Variants in DENND2A observed in about 807,000 individuals in gnomAD.
DENND2A encodes the protein DENN domain containing 2A.
In DENND2A, 53 loss-of-function variants were observed where a neutral mutation model predicts 105.3. The observed-to-expected ratio is 0.50, with a 90% CI of 0.40 to 0.63. The LOEUF is 0.63. Among genes scored for constraint, DENND2A ranks in the 30% least tolerant of loss-of-function variants. The pLI, the probability that DENND2A is intolerant of heterozygous loss-of-function variation, is 0.00. For synonymous variants in DENND2A, 522 were observed against 508.4 expected (o/e 1.03, Z -0.36); for missense variants, 1,138 against 1,279.6 (o/e 0.89, Z 1.69).
At chr7:140,636,080 G>A (rs944104269) in intron 1 of DENND2A, among the ~76,000 whole-genome samples, 3 of 152,144 alleles carry the variant, frequency 2.0e-5, no homozygotes, top group Non-Finnish European at 4.4e-5. Context: ...AGAGAGTCTG[G>A]GGTACAAGTG....
chr7:140,594,470 C>T (rs748911081), intron 3 of DENND2A, among the ~76,000 whole-genome samples: 11 of 152,130 alleles, frequency 7.2e-5, no homozygotes, highest in Non-Finnish European at 1.3e-4. Flanking sequence ...CTGGCCCGAG[C>T]GTCACTTCCT....
intron 7 of DENND2A, 86 bp from the exon 8 acceptor site, chr7:140,568,899 T>C: frequency 2.9e-6 from 4 of 1,379,966 alleles, no homozygotes; most frequent in Non-Finnish European, 4.1e-6. Flanking sequence ...ACAGATCAAA[T>C]GTTCTAATTC....
At chr7:140,555,057 A>G (rs1239618402) in intron 12 of DENND2A, among the ~76,000 whole-genome samples, 1 of 150,234 alleles carries the variant, frequency 6.7e-6, no homozygotes, top group Non-Finnish European at 1.5e-5. Flanking sequence ...AGGGTCTTCC[A>G]CCCCTCCCTT....
At chr7:140,584,521 G>A (rs1798694464) in intron 5 of DENND2A, among the ~76,000 whole-genome samples, 1 of 152,206 alleles carries the variant, frequency 6.6e-6, no homozygotes. Context: ...TGGGTGCCAA[G>A]ATATCTGTTA....
At position 140,559,856 on chromosome 7, in the gene DENND2A, C is replaced by T. The variant is rs976611704; in HGVS notation, c.1780-39G>A. The T allele has an allele frequency of 2.0e-6, 3 of 1,482,602 alleles. No individual in the cohort carries two copies. Among genetic ancestry groups the T allele is most frequent in the African/African-American group, 1.4e-5 (1 of 72,330 alleles). 91.8% of individuals were successfully genotyped at this position (1,482,602 alleles called of 1,614,324 possible). On this transcript the variant is annotated intron_variant, in intron 9 of 19. Coordinates refer to ENST00000496613, the MANE Select transcript of DENND2A (RefSeq NM_015689.5). The surrounding 1 kb of genome is among the most constrained non-coding windows in gnomAD (Gnocchi z 4.1). Reference sequence around the variant, plus strand: ...GGTGAGAGAAAATTCGAGAACAAATCTCAGCATGGGAAATTGAGGCGGATG... The same window carrying T: ...GGTGAGAGAAAATTCGAGAACAAATTTCAGCATGGGAAATTGAGGCGGATG...
chr7:140,586,967 G>A (rs1386562085), intron 4 of DENND2A, among the ~76,000 whole-genome samples: 1 of 152,094 alleles, frequency 6.6e-6, no homozygotes, highest in Non-Finnish European at 1.5e-5. Flanking sequence ...GTTGGAGCTC[G>A]CCCTTCACTA....
intron 9 of DENND2A, 35 bp downstream of exon 9, chr7:140,567,051 C>T (rs1258225905): frequency 6.5e-7 from 1 of 1,527,244 alleles, no homozygotes; most frequent in African/African-American, 1.4e-5. Flanking sequence ...TGGTTAGAAC[C>T]CTGGCAGGCC....
At chr7:140,616,769 G>A (rs1292350599) in intron 1 of DENND2A, among the ~76,000 whole-genome samples, 1 of 152,158 alleles carries the variant, frequency 6.6e-6, no homozygotes, top group Non-Finnish European at 1.5e-5. Flanking sequence ...AGAGTTGCTG[G>A]CCTAGAGTTG....
At chr7:140,569,607 G>A (rs369364119) in intron 7 of DENND2A, 38 bp downstream of exon 7, 81 of 1,408,014 alleles carry the variant, frequency 5.8e-5, no homozygotes, top group East Asian at 5.7e-4. Context: ...TCTCTTTTCC[G>A]ATTCTTGCGG....
intron 1 of DENND2A, among the ~76,000 whole-genome samples, chr7:140,637,082 T>G (rs1730367480): frequency 6.6e-6 from 1 of 151,204 alleles, no homozygotes; most frequent in Non-Finnish European, 1.5e-5. Context: ...ACTCCTGATC[T>G]CAAGTGATCT....
At chr7:140,635,195 A>G (rs1800879758) in intron 1 of DENND2A, among the ~76,000 whole-genome samples, 1 of 152,060 alleles carries the variant, frequency 6.6e-6, no homozygotes, top group Non-Finnish European at 1.5e-5. Context: ...CCCAGGAGGT[A>G]GAAGCTGCAG....
intron 1 of DENND2A, among the ~76,000 whole-genome samples, chr7:140,639,135 T>TGGG (rs1417906115): frequency 2.0e-5 from 3 of 151,804 alleles, no homozygotes; most frequent in Non-Finnish European, 4.4e-5. Flanking sequence ...GCAGATCACC[T>TGGG]GGGGTCAGCA....
intron 1 of DENND2A, among the ~76,000 whole-genome samples, chr7:140,612,570 C>T (rs527818427): frequency 6.6e-6 from 1 of 151,576 alleles, no homozygotes; most frequent in East Asian, 2.0e-4. Context: ...GGTGCAATCT[C>T]AGCTCACTGC....
chr7:140,639,837 G>A (rs1293393139), intron 1 of DENND2A, among the ~76,000 whole-genome samples: 1 of 152,076 alleles, frequency 6.6e-6, no homozygotes, highest in Non-Finnish European at 1.5e-5. Flanking sequence ...CCTGTCCCAG[G>A]CCCCCCATGA....
At chr7:140,522,172 A>G (rs1323862351) in intron 17 of DENND2A, 72 bp from the exon 18 acceptor site, 35 of 1,566,084 alleles carry the variant, frequency 2.2e-5, no homozygotes, top group African/African-American at 1.1e-4. Flanking sequence ...AGACAAGCCA[A>G]TTGGTAATCA....
chr7:140,522,505 G>A (rs543517665), intron 17 of DENND2A, among the ~76,000 whole-genome samples: 5 of 152,014 alleles, frequency 3.3e-5, no homozygotes, highest in East Asian at 3.9e-4. Flanking sequence ...GTAGAGATGG[G>A]GTTTCACCAT....
intron 3 of DENND2A, among the ~76,000 whole-genome samples, chr7:140,596,381 T>C (rs139342202): frequency 4.9e-4 from 75 of 152,360 alleles, no homozygotes; most frequent in African/African-American, 1.6e-3. Context: ...ATTCAGTTTT[T>C]AGACGTGGTA....
intron 14 of DENND2A, among the ~76,000 whole-genome samples, chr7:140,535,683 G>A (rs1796431032): frequency 6.6e-6 from 1 of 152,012 alleles, no homozygotes; most frequent in Non-Finnish European, 1.5e-5. Flanking sequence ...ACAGGTTCAA[G>A]CGATTCTCCT....
At chr7:140,551,281 C>CA in intron 12 of DENND2A, among the ~76,000 whole-genome samples, 1 of 109,052 alleles carries the variant, frequency 9.2e-6, no homozygotes, top group Admixed American at 1.4e-4. Flanking sequence ...GCCTGGGCGA[C>CA]AGAGCAAGAC....
Sources: gnomAD v4.1 joint callset for allele counts (sites outside exome capture counted in the v4.1 genomes callset) on GRCh38, gnomAD v4.1.1 for gene constraint, Gnocchi (gnomAD v3.1) non-coding constraint, MANE v1.5 for transcripts, NCBI Gene and HGNC (gene_info 2026-07-23, HGNC 2026-07-21) for gene names.